Variants in ERBB3 observed in about 807,000 individuals in gnomAD.
The protein encoded by ERBB3 is receptor tyrosine-protein kinase erbB-3.
Under a neutral mutation model 156.7 loss-of-function variants are expected in ERBB3, and 96 were observed. The ratio of observed to expected loss-of-function variants is 0.61; its 90% CI spans 0.52 to 0.73. ERBB3 has a LOEUF of 0.73. ERBB3 is among the 30% of genes least tolerant of loss of function. The pLI is 0.00. For synonymous variants in ERBB3, 567 were observed against 632.0 expected, an observed-to-expected ratio of 0.90 and a Z score of 1.54; for missense variants, 1,406 against 1,709.4, an observed-to-expected ratio of 0.82 and a Z score of 3.13.
rs1296730259 is a variant in ERBB3, at chr12:56,101,221, G to A, written c.3362G>A (p.Ser1121Asn). ...KVSMCRSRSR[S>N]RSPRPRGDSA... The stretch of plus-strand genomic sequence containing the variant: ...TCAATGTGTAGGAGCCGGAGCAGGA[G>A]CCGGAGCCCACGGCCACGCGGAGAT... The change falls in exon 27 of 28, where the codon AGC becomes AAC. Residue 1121 changes from serine (S) to asparagine (N), a missense_variant. Coordinates refer to ENST00000267101, the MANE Select transcript of ERBB3 (RefSeq NM_001982.4). 1.9e-6 allele frequency: 3 copies of A among 1,613,802 alleles called. No individual in the cohort carries two copies. The highest frequency in any genetic ancestry group is 2.5e-6 in the Non-Finnish European group (3 of 1,179,928).
intron 16 of ERBB3, 65 bp from the exon 17 acceptor site, chr12:56,095,600 T>C: frequency 6.3e-7 from 1 of 1,585,688 alleles, no homozygotes; most frequent in Non-Finnish European, 8.7e-7. Context: ...TCAACACAAG[T>C]ATAGTTGACA....
Position 56,080,216 on chromosome 12 carries a change from G to A in ERBB3, c.-85G>A. On this transcript the variant is annotated 5_prime_UTR_variant, in exon 1 of 28. Coordinates refer to ENST00000267101, the MANE Select transcript of ERBB3 (RefSeq NM_001982.4). ...CCGCAGCAGCCACCAATTCGCCAGCGGTTCAGGTGGCTCTTGCCTCGATGT... is the reference window on the plus strand; with the variant it reads ...CCGCAGCAGCCACCAATTCGCCAGCAGTTCAGGTGGCTCTTGCCTCGATGT... The A allele has an allele frequency of 3.7e-6, 4 of 1,086,288 alleles. No individual in the cohort carries two copies. The highest frequency in any genetic ancestry group is 5.5e-6 in the Non-Finnish European group (4 of 730,776). 67.3% of individuals were successfully genotyped at this position (1,086,288 alleles called of 1,614,324 possible).
intron 5 of ERBB3, 31 bp from the exon 6 acceptor site, chr12:56,087,764 C>G: frequency 5.6e-6 from 9 of 1,600,104 alleles, no homozygotes; most frequent in Non-Finnish European, 7.7e-6. Context: ...TCCTAGGAGC[C>G]CTAACAGCCA....
Position 56,094,502 on chromosome 12 carries a change from A to G in ERBB3, c.1805A>G (p.Lys602Arg). ...GVLGAKGPIY[K>R]YPDVQNECRP... ...CTAGGTGCCAAGGGCCCAATCTACAAGTACCCAGATGTTCAGAATGAATGT... is the reference window on the plus strand; with the variant it reads ...CTAGGTGCCAAGGGCCCAATCTACAGGTACCCAGATGTTCAGAATGAATGT... The change falls in exon 15 of 28, where the codon AAG becomes AGG. Residue 602 changes from lysine (K) to arginine (R), a missense_variant. Lys to Arg is a conservative substitution (Grantham distance 26). Around this residue, in one of 3 missense-constraint regions of ERBB3, gnomAD observed 979 missense variants for 1,219.6 expected, o/e 0.80. Coordinates refer to ENST00000267101, the MANE Select transcript of ERBB3 (RefSeq NM_001982.4). 6.2e-7 allele frequency: 1 copy of G among 1,614,146 alleles called. No individual in the cohort carries two copies. Among genetic ancestry groups the G allele is most frequent in the Non-Finnish European group, 8.5e-7 (1 of 1,180,014 alleles).
chr12:56,081,496 A>G (rs757873783), intron 1 of ERBB3, among the ~76,000 whole-genome samples: 2 of 152,074 alleles, frequency 1.3e-5, no homozygotes, highest in Non-Finnish European at 2.9e-5. Context: ...CTGGGCCTAA[A>G]TTTAGATCCT....
At position 56,099,961 on chromosome 12, in the gene ERBB3, A is replaced by G; in HGVS notation, c.3061A>G (p.Asn1021Asp). The G allele has an allele frequency of 3.1e-6, 5 of 1,614,232 alleles. No homozygotes were observed. The highest frequency in any genetic ancestry group is 4.2e-6 in the Non-Finnish European group (5 of 1,180,042). Residue 1021 changes from asparagine to aspartate, a missense_variant, in exon 25 of 28, where the codon AAC becomes GAC. Transcript: ENST00000267101. The stretch of plus-strand genomic sequence containing the variant: ...CCTAGACTTGGAAGCAGAGGAGGAC[A>G]ACCTGGCAACCACCACACTGGGCTC... ...LDLDLEAEED[N>D]LATTTLGSAL...
intron 22 of ERBB3, 42 bp from the exon 23 acceptor site, chr12:56,098,717 C>T (rs771231548): frequency 6.2e-7 from 1 of 1,612,214 alleles, no homozygotes; most frequent in Non-Finnish European, 8.5e-7. Flanking sequence ...ATGCCCATGT[C>T]TACTATTTTG....
chr12:56,091,266 T>TTATATATATATA (rs199547778), intron 9 of ERBB3, among the ~76,000 whole-genome samples: 14 of 43,422 alleles, frequency 3.2e-4, no homozygotes, highest in African/African-American at 1.6e-3. Context: ...TTGGCTAATT[T>TTATATATATATA]TATATATATA....
chr12:56,098,089 C>A (rs1436913889), intron 21 of ERBB3, 149 bp downstream of exon 21: 8 of 797,588 alleles, frequency 1.0e-5, no homozygotes, highest in Non-Finnish European at 1.6e-5. Flanking sequence ...GTTCAGAGGG[C>A]AACAAATAAA....
In ERBB3 at chr12:56,080,384, T is replaced by G; in HGVS notation, c.82+2T>G. 1 of 1,590,318 alleles carries G rather than the reference T, an allele frequency of 6.3e-7. No homozygotes were observed. Among genetic ancestry groups the G allele is most frequent in the Non-Finnish European group, 8.6e-7 (1 of 1,167,580 alleles). ...CCGAGGTGGGCAACTCTCAGGCAGGTAAGTGGCGCGAGAGCACCGGCGGGC... is the reference window on the plus strand; with the variant it reads ...CCGAGGTGGGCAACTCTCAGGCAGGGAAGTGGCGCGAGAGCACCGGCGGGC... On this transcript the variant is annotated splice_donor_variant, in intron 1 of 27. Transcript: ENST00000267101. LOFTEE classifies it high-confidence loss of function.
chr12:56,084,860 A>C, intron 2 of ERBB3, 135 bp from the exon 3 acceptor site: 5 of 1,458,040 alleles, frequency 3.4e-6, no homozygotes, highest in Non-Finnish European at 4.6e-6. Flanking sequence ...AATTTTAAAA[A>C]AAAGAAAAAA....
rs1393513395 is a variant in ERBB3, at chr12:56,102,836, T to G, written c.*781T>G. 1 of 59,908 alleles carries G rather than the reference T, an allele frequency of 1.7e-5. No individual in the cohort carries two copies. The highest frequency in any genetic ancestry group is 4.1e-5 in the Non-Finnish European group (1 of 24,410). 3.7% of individuals were successfully genotyped at this position (59,908 alleles called of 1,614,324 possible). ...AAAAAAAAAAAAAAAAAAAAAAAAC[T>G]TTAGAACTGGGTGCAGTGGCTCATG... On this transcript the variant is annotated 3_prime_UTR_variant, in exon 28 of 28. Coordinates refer to ENST00000267101, the MANE Select transcript of ERBB3 (RefSeq NM_001982.4).
In ERBB3 at chr12:56,085,128, A is replaced by G. The variant is rs768175062; in HGVS notation, c.368A>G (p.Tyr123Cys). ...TTTGCCATCTTCGTCATGTTGAACT[A>G]TAACACCAACTCCAGCCACGCTCTG... is the stretch of plus-strand genomic sequence containing the variant. ...GKFAIFVMLN[Y>C]NTNSSHALRQ... Residue 123 changes from tyrosine (Y) to cysteine (C), a missense_variant, in exon 3 of 28, where the codon TAT becomes TGT. Tyr to Cys is a radical substitution (Grantham distance 194). Transcript: ENST00000267101. The G allele has an allele frequency of 1.2e-5, 19 of 1,614,000 alleles. No individual in the cohort carries two copies. Among genetic ancestry groups the G allele is most frequent in the Non-Finnish European group, 1.4e-5 (16 of 1,180,010 alleles).
Position 56,083,846 on chromosome 12 carries a change from A to G in ERBB3, c.178A>G (p.Met60Val). ...YKLYERCEVV[M>V]GNLEIVLTGH... ...GCTCTACGAGAGGTGTGAGGTGGTG[A>G]TGGGGAACCTTGAGATTGTGCTCAC... Residue 60 changes from methionine (M) to valine (V), a missense_variant, in exon 2 of 28, where the codon ATG becomes GTG. Coordinates refer to ENST00000267101, the MANE Select transcript of ERBB3 (RefSeq NM_001982.4). The G allele has an allele frequency of 6.2e-7, 1 of 1,614,070 alleles. No individual in the cohort carries two copies. Among genetic ancestry groups the G allele is most frequent in the South Asian group, 1.1e-5 (1 of 91,084 alleles).
In ERBB3 at chr12:56,093,495, G is replaced by A. The variant is rs754056576; in HGVS notation, c.1425G>A (p.Arg475=). Reference sequence around the variant, plus strand: ...CTTTGAACTGGACCAAGGTGCTTCGGGGGCCTACGGAAGAGCGACTAGACA... The same window carrying A: ...CTTTGAACTGGACCAAGGTGCTTCGAGGGCCTACGGAAGAGCGACTAGACA... The part of the protein sequence containing the change: ...HHSLNWTKVL[R]GPTEERLDIK... The change falls in exon 12 of 28, where the codon CGG becomes CGA. Residue 475 remains arginine (R), a synonymous_variant. Transcript: ENST00000267101. 1.2e-6 allele frequency: 2 copies of A among 1,613,858 alleles called. No homozygotes were observed. Among genetic ancestry groups the A allele is most frequent in the Non-Finnish European group, 1.7e-6 (2 of 1,179,944 alleles).
intron 21 of ERBB3, 88 bp from the exon 22 acceptor site, chr12:56,098,412 A>G: frequency 4.9e-6 from 1 of 203,332 alleles, no homozygotes; most frequent in South Asian, 9.7e-5. Context: ...ACTCCGTCTC[A>G]AAAAAAAAAA....
chr12:56,103,308 A>G lies in ERBB3; in HGVS notation c.*1253A>G, dbSNP rs1205340003. ...CTTATCCGAGGGCAAATTCACAAGG[A>G]TCCCCAAGATCCACTTTTAGAAGCC... On this transcript the variant is annotated 3_prime_UTR_variant, in exon 28 of 28. Transcript: ENST00000267101. 1 of 221,766 alleles carries G rather than the reference A, an allele frequency of 4.5e-6. No homozygotes were observed. The highest frequency in any genetic ancestry group is 9.0e-6 in the Non-Finnish European group (1 of 110,824). 13.7% of individuals were successfully genotyped at this position (221,766 alleles called of 1,614,324 possible).
At chr12:56,095,908 C>A in intron 17 of ERBB3, 102 bp downstream of exon 17, 1 of 1,246,884 alleles carries the variant, frequency 8.0e-7, no homozygotes, top group Non-Finnish European at 1.2e-6. Flanking sequence ...ACCCAGGGGT[C>A]AGTGATGGGA....
chr12:56,083,708 T>C (rs766025310), intron 1 of ERBB3, 43 bp from the exon 2 acceptor site: 3 of 1,611,324 alleles, frequency 1.9e-6, no homozygotes, highest in Non-Finnish European at 2.5e-6. Context: ...GGGCTGAGAA[T>C]TTGTGTCCAG....
Sources: gnomAD v4.1 joint callset for allele counts (sites outside exome capture counted in the v4.1 genomes callset) on GRCh38, gnomAD v4.1.1 for gene constraint, gnomAD v4.1.1 regional missense constraint, MANE v1.5 for transcripts, NCBI Gene and HGNC (gene_info 2026-07-23, HGNC 2026-07-21) for gene names.